The following SLC6A6 variants were observed in gnomAD, a reference collection of about 807,000 sequenced individuals.
SLC6A6 encodes solute carrier family 6 member 6, also known as sodium- and chloride-dependent taurine transporter.
A neutral mutation model predicts 68.8 loss-of-function variants in SLC6A6; 16 were observed. The ratio of observed to expected loss-of-function variants is 0.23; its 90% CI spans 0.16 to 0.35. The LOEUF (loss-of-function observed/expected upper bound fraction) is 0.35, where lower values mean the gene tolerates loss of function less well. SLC6A6 is among the 10% of genes least tolerant of loss of function. The pLI, the probability that SLC6A6 is intolerant of heterozygous loss-of-function variation, is 1.00. For synonymous variants in SLC6A6, 312 were observed against 315.4 expected, an observed-to-expected ratio of 0.99 and a Z score of 0.12; for missense variants, 474 against 802.8, an observed-to-expected ratio of 0.59 and a Z score of 4.95.
chr3:14,469,741 C>T (rs947849232), intron 9 of SLC6A6, among the ~76,000 whole-genome samples: 17 of 152,148 alleles, frequency 1.1e-4, no homozygotes, highest in African/African-American at 4.1e-4. Flanking sequence ...TCCCAGAGCC[C>T]CTGGCCCCTC....
At chr3:14,433,802 CAAAAA>C (rs67806643) in intron 2 of SLC6A6, among the ~76,000 whole-genome samples, 1 of 77,508 alleles carries the variant, frequency 1.3e-5, no homozygotes, top group African/African-American at 4.9e-5. Context: ...GACTCTGTCT[CAAAAA>C]AAAAAAAAAA....
intron 5 of SLC6A6, among the ~76,000 whole-genome samples, chr3:14,452,287 TCTC>T (rs1459503713): frequency 1.3e-5 from 2 of 152,096 alleles, no homozygotes; most frequent in African/African-American, 4.8e-5. Context: ...CGCCCTCTTC[TCTC>T]CTCTGTAAAC....
At chr3:14,460,485 G>A (rs775313841) in intron 6 of SLC6A6, among the ~76,000 whole-genome samples, 92 of 152,124 alleles carry the variant, frequency 6.0e-4, no homozygotes, top group Admixed American at 1.1e-3. Flanking sequence ...ATGTGGAGGG[G>A]AAAATCTCCA....
At chr3:14,411,627 C>T (rs1699254125) in intron 1 of SLC6A6, among the ~76,000 whole-genome samples, 1 of 152,216 alleles carries the variant, frequency 6.6e-6, no homozygotes, top group African/African-American at 2.4e-5. Flanking sequence ...CTCCAGCATC[C>T]AGCCTAGGGG....
In SLC6A6 at chr3:14,450,769, G is replaced by A. The variant is rs1046574157; in HGVS notation, c.599+2953G>A. On this transcript the variant is annotated intron_variant, in intron 5 of 14. Transcript: ENST00000622186. This position sits in a 1 kb window ranked among gnomAD's most constrained non-coding sequence, Gnocchi z 4.1. Reference sequence around the variant, plus strand: ...AGGTGCCGTGGGCAAGAAAGACCCGGCCTCCTGCCTTCAAGAGCCTTCTCT... The same window carrying A: ...AGGTGCCGTGGGCAAGAAAGACCCGACCTCCTGCCTTCAAGAGCCTTCTCT... 6.6e-5 allele frequency among the ~76,000 whole-genome samples: 10 copies of A among 152,234 alleles called. No individual in the cohort carries two copies. Among genetic ancestry groups the A allele is most frequent in the Non-Finnish European group, 1.2e-4 (8 of 68,038 alleles).
chr3:14,449,971 C>G (rs1700218843), intron 5 of SLC6A6, among the ~76,000 whole-genome samples: 1 of 152,074 alleles, frequency 6.6e-6, no homozygotes, highest in African/African-American at 2.4e-5. Context: ...AGGATGGTCT[C>G]AATCTCCTGA....
chr3:14,414,746 G>C (rs957905141), intron 1 of SLC6A6, among the ~76,000 whole-genome samples: 12 of 152,068 alleles, frequency 7.9e-5, no homozygotes, highest in Non-Finnish European at 4.4e-5. Context: ...GCTCAGGTTG[G>C]TCTTGAACTC....
intron 5 of SLC6A6, among the ~76,000 whole-genome samples, chr3:14,449,248 A>G (rs1024233822): frequency 6.6e-6 from 1 of 152,226 alleles, no homozygotes; most frequent in Non-Finnish European, 1.5e-5. Context: ...CCTTCAGTGT[A>G]TGCTCAGGGC....
At chr3:14,440,359 C>A (rs184822136) in intron 2 of SLC6A6, among the ~76,000 whole-genome samples, 8,313 of 152,086 alleles carry the variant, frequency 0.055, 483 homozygotes, top group Admixed American at 0.18. Context: ...GCGGCTCCAA[C>A]AGCCAGTGGG....
At chr3:14,429,548 T>C (rs1293169716) in intron 2 of SLC6A6, among the ~76,000 whole-genome samples, 1 of 152,220 alleles carries the variant, frequency 6.6e-6, no homozygotes, top group African/African-American at 2.4e-5. Flanking sequence ...CCTTAATCTC[T>C]TTCCTGAGCT....
chr3:14,476,538 G>A (rs1175710235), intron 10 of SLC6A6, among the ~76,000 whole-genome samples: 1 of 152,222 alleles, frequency 6.6e-6, no homozygotes, highest in Admixed American at 6.5e-5. Context: ...GTGCGCACAT[G>A]CAAAGTCCTC....
chr3:14,473,478 C>A (rs757891375), intron 10 of SLC6A6, among the ~76,000 whole-genome samples: 1 of 152,072 alleles, frequency 6.6e-6, no homozygotes, highest in Non-Finnish European at 1.5e-5. Flanking sequence ...TCCCCCTCCC[C>A]GCGGGCCGAA....
chr3:14,474,320 G>A (rs1700822778), intron 10 of SLC6A6, among the ~76,000 whole-genome samples: 3 of 152,214 alleles, frequency 2.0e-5, no homozygotes, highest in African/African-American at 4.8e-5. Flanking sequence ...CGTAAGAGGT[G>A]TTCCCTGGGT....
chr3:14,407,012 G>A (rs191338875), intron 1 of SLC6A6, among the ~76,000 whole-genome samples: 14 of 151,528 alleles, frequency 9.2e-5, no homozygotes, highest in Non-Finnish European at 7.4e-5. Context: ...GAACCTCCAG[G>A]GGGATGGAGC....
intron 2 of SLC6A6, among the ~76,000 whole-genome samples, chr3:14,420,371 G>T (rs1280834244): frequency 6.6e-6 from 1 of 152,182 alleles, no homozygotes; most frequent in Non-Finnish European, 1.5e-5. Flanking sequence ...TTGGCCCAGT[G>T]GCCAGTTTGC....
At chr3:14,406,556 T>C (rs1038999127) in intron 1 of SLC6A6, among the ~76,000 whole-genome samples, 1 of 152,194 alleles carries the variant, frequency 6.6e-6, no homozygotes, top group African/African-American at 2.4e-5. Context: ...CTGGACATGC[T>C]ATTTAACCGG....
At chr3:14,443,061 C>T (rs1245812592) in intron 2 of SLC6A6, among the ~76,000 whole-genome samples, 3 of 152,206 alleles carry the variant, frequency 2.0e-5, no homozygotes, top group Admixed American at 6.5e-5. Flanking sequence ...CCTGAAACCC[C>T]ATTCCTCGTT....
chr3:14,479,249 C>T (rs1021463654), intron 13 of SLC6A6, 64 bp downstream of exon 13: 20 of 980,218 alleles, frequency 2.0e-5, no homozygotes, highest in African/African-American at 3.2e-5. Context: ...CATTTTCACC[C>T]GCTAAACCAT....
intron 1 of SLC6A6, among the ~76,000 whole-genome samples, chr3:14,403,523 G>T (rs1323149172): frequency 6.6e-6 from 1 of 152,158 alleles, no homozygotes; most frequent in Non-Finnish European, 1.5e-5. Context: ...GCCAGAGCTG[G>T]TTCTCCAGGG....
Sources: gnomAD v4.1 joint callset for allele counts (sites outside exome capture counted in the v4.1 genomes callset) on GRCh38, gnomAD v4.1.1 for gene constraint, Gnocchi (gnomAD v3.1) non-coding constraint, MANE v1.5 for transcripts, NCBI Gene and HGNC (gene_info 2026-07-23, HGNC 2026-07-21) for gene names.